The following SLC20A2 variants were observed in gnomAD, a reference collection of about 807,000 sequenced individuals.
The protein encoded by SLC20A2 is sodium-dependent phosphate transporter 2.
SLC20A2 carries 30 observed loss-of-function variants against 61.0 expected under a neutral mutation model. The observed-to-expected ratio is 0.49, with a 90% CI of 0.37 to 0.67. SLC20A2 has a LOEUF of 0.67. Ranked by LOEUF, SLC20A2 falls within the 30% of genes least tolerant of loss-of-function variation. SLC20A2 has a pLI of 0.00. For missense variants in SLC20A2, 626 were observed against 866.4 expected, an observed-to-expected ratio of 0.72 and a Z score of 3.48; for synonymous variants, 351 against 353.3, an observed-to-expected ratio of 0.99 and a Z score of 0.07.
intron 1 of SLC20A2, among the ~76,000 whole-genome samples, chr8:42,540,454 G>A (rs1323458379): frequency 6.6e-6 from 1 of 152,096 alleles, no homozygotes; most frequent in Non-Finnish European, 1.5e-5. Context: ...TTATTTTCCT[G>A]ATTTTCCAAC....
intron 1 of SLC20A2, among the ~76,000 whole-genome samples, chr8:42,530,078 G>C (rs1012878120): frequency 1.3e-5 from 2 of 152,048 alleles, no homozygotes; most frequent in Non-Finnish European, 1.5e-5. Context: ...CATGCAATGA[G>C]TATGTGATTT....
chr8:42,477,423 G>A (rs988359000), intron 1 of SLC20A2, among the ~76,000 whole-genome samples: 10 of 128,708 alleles, frequency 7.8e-5, no homozygotes, highest in African/African-American at 2.7e-4. Flanking sequence ...CACTGACCTT[G>A]TTTTTGATTA....
intron 4 of SLC20A2, among the ~76,000 whole-genome samples, chr8:42,461,001 C>T (rs899466161): frequency 4.6e-5 from 7 of 152,308 alleles, no homozygotes; most frequent in African/African-American, 1.7e-4. Flanking sequence ...TGCAAACACG[C>T]CTGGAAGTCA....
At chr8:42,447,180 A>G (rs1180815841) in intron 5 of SLC20A2, among the ~76,000 whole-genome samples, 3 of 151,824 alleles carry the variant, frequency 2.0e-5, no homozygotes, top group African/African-American at 7.3e-5. Flanking sequence ...TGTCTCTACA[A>G]AATAAAAACA....
At position 42,494,791 on chromosome 8, in the gene SLC20A2, A is replaced by AT. The variant is rs993262108; in HGVS notation, c.-265+6239dup. ...TTTTTTACCTTTTTCTTCAAGTTTA[A>AT]TTTTTTTTGACTGGACAGCTATAAT... is the stretch of plus-strand genomic sequence containing the variant. On this transcript the variant is annotated intron_variant, in intron 1 of 10. Coordinates refer to ENST00000520262, the MANE Select transcript of SLC20A2 (RefSeq NM_001257180.2). Among the ~76,000 whole-genome samples, 10 of 151,814 alleles carry AT rather than the reference A, an allele frequency of 6.6e-5. 1 individual carries two copies. Among genetic ancestry groups the AT allele is most frequent in the South Asian group, 2.1e-4 (1 of 4,816 alleles).
intron 1 of SLC20A2, among the ~76,000 whole-genome samples, chr8:42,529,192 C>T (rs1349465550): frequency 6.6e-6 from 1 of 152,108 alleles, no homozygotes; most frequent in Non-Finnish European, 1.5e-5. Flanking sequence ...TGCTCTTGAA[C>T]TCCAAGGCTC....
Position 42,439,617 on chromosome 8 carries a change from G to A in SLC20A2, c.767C>T (p.Ser256Phe), listed in dbSNP as rs962548500. The change falls in exon 7 of 11, where the codon TCT becomes TTT. Residue 256 changes from serine (S) to phenylalanine (F), a missense_variant. By Grantham distance (155) the Ser-to-Phe change is radical. Around this residue, in one of 3 missense-constraint regions of SLC20A2, gnomAD observed 361 missense variants for 422.3 expected, o/e 0.85. Transcript: ENST00000520262. ...CTGAACCTTACTGAGGCTTTCGTCA[G>A]ATACTCGTGATAAAGCACCTTCTTT... ...LQKEGALSRVSDESLSKVQEA... is the reference protein window; with the variant it reads ...LQKEGALSRVFDESLSKVQEA... The A allele has an allele frequency of 6.2e-7, 1 of 1,614,088 alleles. No homozygotes were observed. Among genetic ancestry groups the A allele is most frequent in the Non-Finnish European group, 8.5e-7 (1 of 1,180,024 alleles).
intron 5 of SLC20A2, among the ~76,000 whole-genome samples, chr8:42,446,845 T>C (rs1187124087): frequency 6.6e-6 from 1 of 151,726 alleles, no homozygotes; most frequent in Admixed American, 6.6e-5. Flanking sequence ...CTGGGAGAAT[T>C]TACTAAAAAA....
chr8:42,513,207 G>A (rs1811124091), intron 1 of SLC20A2, among the ~76,000 whole-genome samples: 1 of 152,114 alleles, frequency 6.6e-6, no homozygotes, highest in South Asian at 2.1e-4. Context: ...AAAGGCCAGG[G>A]GTGAGATCAA....
In SLC20A2 at chr8:42,417,552, C is replaced by G. The variant is rs1802743455; in HGVS notation, c.*251G>C. The G allele has an allele frequency of 3.2e-6, 1 of 309,832 alleles. No individual in the cohort carries two copies. The highest frequency in any genetic ancestry group is 4.1e-5 in the Admixed American group (1 of 24,226). 19.2% of individuals were successfully genotyped at this position (309,832 alleles called of 1,614,324 possible). A position where few individuals can be genotyped will look rare whatever the true frequency, so the allele number is the denominator to read the frequency against. On this transcript the variant is annotated 3_prime_UTR_variant, in exon 11 of 11. Coordinates refer to ENST00000520262, the MANE Select transcript of SLC20A2 (RefSeq NM_001257180.2). Reference sequence around the variant, plus strand: ...TAGATATTTAATATATAAGTAACTGCACCACATTATATCACCACGATACCA... The same window carrying G: ...TAGATATTTAATATATAAGTAACTGGACCACATTATATCACCACGATACCA...
chr8:42,508,154 ACT>A (rs1363570571), intron 1 of SLC20A2, among the ~76,000 whole-genome samples: 1 of 150,520 alleles, frequency 6.6e-6, no homozygotes, highest in Non-Finnish European at 1.5e-5. Flanking sequence ...ACAGAGCAAG[ACT>A]CTGTCTCAAA....
At chr8:42,444,593 G>T in intron 6 of SLC20A2, 53 bp downstream of exon 6, 1 of 1,360,710 alleles carries the variant, frequency 7.3e-7, no homozygotes, top group Non-Finnish European at 1.1e-6. Flanking sequence ...TACATGTGAG[G>T]TTTTGGGAAT....
At chr8:42,418,833 C>T (rs2130909844) in intron 10 of SLC20A2, among the ~76,000 whole-genome samples, 1 of 151,804 alleles carries the variant, frequency 6.6e-6, no homozygotes, top group Admixed American at 6.6e-5. Flanking sequence ...CCCGTCTCTA[C>T]TAAGAATACC....
chr8:42,437,504 G>T lies in SLC20A2; in HGVS notation c.1008C>A (p.His336Gln). 6.2e-7 allele frequency: 1 copy of T among 1,614,122 alleles called. No individual in the cohort carries two copies. Among genetic ancestry groups the T allele is most frequent in the African/African-American group, 1.3e-5 (1 of 75,034 alleles). Residue 336 changes from histidine (H) to glutamine (Q), a missense_variant, in exon 8 of 11, where the codon CAC becomes CAA. This residue lies in a region of SLC20A2 where 361 missense variants were observed against 422.3 expected (regional missense o/e 0.85). Coordinates refer to ENST00000520262, the MANE Select transcript of SLC20A2 (RefSeq NM_001257180.2). This position sits in a 1 kb window ranked among gnomAD's most constrained non-coding sequence, Gnocchi z 6.4. ...GGTACACATGACCGTCGCTCCTGGT[G>T]TGGCCGTCGAAGCCGAAGGTGCCGT... ...ISNGTFGFDG[H>Q]TRSDGHVYHT...
intron 5 of SLC20A2, among the ~76,000 whole-genome samples, chr8:42,455,233 A>T (rs1195438389): frequency 1.9e-5 from 2 of 107,982 alleles, no homozygotes; most frequent in African/African-American, 7.6e-5. Context: ...TAAAAAAAAA[A>T]AAAAAAAAAT....
chr8:42,509,316 C>T (rs564091685), intron 1 of SLC20A2, among the ~76,000 whole-genome samples: 10 of 152,168 alleles, frequency 6.6e-5, no homozygotes, highest in African/African-American at 1.9e-4. Context: ...AGGTCAGACA[C>T]GTTCCATGCA....
chr8:42,538,978 G>A (rs867951042), intron 1 of SLC20A2, among the ~76,000 whole-genome samples: 1 of 152,226 alleles, frequency 6.6e-6, no homozygotes, highest in African/African-American at 2.4e-5. Context: ...TCAGGAGATC[G>A]AGACCATCCT....
chr8:42,489,886 G>T (rs1809386408), intron 1 of SLC20A2, among the ~76,000 whole-genome samples: 1 of 152,196 alleles, frequency 6.6e-6, no homozygotes, highest in Admixed American at 6.5e-5. Flanking sequence ...GGCCTTCGGG[G>T]AGCTGGAGTT....
At chr8:42,448,903 A>ACCTGTGTTACACAGCTCC (rs1805443745) in intron 5 of SLC20A2, among the ~76,000 whole-genome samples, 1 of 152,198 alleles carries the variant, frequency 6.6e-6, no homozygotes, top group African/African-American at 2.4e-5. Context: ...TGAAAAAAGT[A>ACCTGTGTTACACAGCTCC]AACTGACAGT....
Sources: allele counts gnomAD v4.1 joint callset (sites outside exome capture counted in the v4.1 genomes callset), GRCh38; gene constraint gnomAD v4.1.1; regional missense constraint gnomAD v4.1.1; non-coding constraint Gnocchi (gnomAD v3.1); transcripts MANE v1.5; gene names NCBI Gene and HGNC (gene_info 2026-07-23, HGNC 2026-07-21).